SEMA5B: variants seen among roughly 807,000 people sequenced by gnomAD.
The protein encoded by SEMA5B is semaphorin 5B, also known as semaphorin-5B.
In SEMA5B, 66 loss-of-function variants were observed where a neutral mutation model predicts 135.0. That is an observed-to-expected ratio of 0.49 (90% confidence interval 0.40 to 0.60). SEMA5B has a LOEUF of 0.60. Among genes scored for constraint, SEMA5B ranks in the 20% least tolerant of loss-of-function variants. The pLI is 0.00. For synonymous variants in SEMA5B, 690 were observed against 639.5 expected (o/e 1.08, Z -1.19); for missense variants, 1,501 against 1,566.3 (o/e 0.96, Z 0.70).
At position 122,928,101 on chromosome 3, in the gene SEMA5B, C is replaced by G. The variant is rs924364659; in HGVS notation, c.637-98G>C. The G allele has an allele frequency of 2.0e-5, 16 of 812,142 alleles. No homozygotes were observed. In the African/African-American group the frequency reaches 2.6e-4, roughly 13 times the overall value. 50.3% of individuals were successfully genotyped at this position (812,142 alleles called of 1,614,324 possible). On this transcript the variant is annotated intron_variant, in intron 7 of 22. Transcript: ENST00000357599. ...TGTTTCCTCCTGTGCCCCAGTCTCT[C>G]TGGGCCTCTCCCCTCCTCCAGCGTC...
intron 1 of SEMA5B, among the ~76,000 whole-genome samples, chr3:122,990,309 C>A (rs1941836857): frequency 6.6e-6 from 1 of 152,130 alleles, no homozygotes; most frequent in Non-Finnish European, 1.5e-5. Flanking sequence ...AAGGGCGATA[C>A]CTTTTTTCCT....
chr3:122,992,156 G>A (rs1012068840), intron 1 of SEMA5B, among the ~76,000 whole-genome samples: 16 of 152,308 alleles, frequency 1.1e-4, no homozygotes, highest in Non-Finnish European at 1.6e-4. Flanking sequence ...TTTTGTGCAC[G>A]TTCTAAGTGG....
intron 2 of SEMA5B, 86 bp downstream of exon 2, chr3:122,961,054 A>T: frequency 7.2e-7 from 1 of 1,393,890 alleles, no homozygotes; most frequent in Non-Finnish European, 9.8e-7. Context: ...TATGCTGATG[A>T]TGCCCCAGAT....
rs776330222 is a variant in SEMA5B at position 122,911,432 on chromosome 3, G to C, written c.3091+59C>G. On this transcript the variant is annotated intron_variant, in intron 21 of 22. Transcript: ENST00000357599. ...GGATGTGGAAAGAGTCCAGACTTTG[G>C]AGTGGGGTGCCGGAGGGCTGGGAGG... 6 of 1,579,808 alleles carry C rather than the reference G, an allele frequency of 3.8e-6. No homozygotes were observed. The South Asian group carries it at 5.8e-5, about 15-fold the overall frequency.
intron 2 of SEMA5B, among the ~76,000 whole-genome samples, chr3:122,951,504 A>G (rs1576360601): frequency 6.6e-6 from 1 of 152,196 alleles, no homozygotes; most frequent in East Asian, 1.9e-4. Context: ...AAAAGCCCTA[A>G]CATTTGTCTA....
chr3:123,018,875 T>C (rs1942617443), intron 1 of SEMA5B, among the ~76,000 whole-genome samples: 2 of 152,134 alleles, frequency 1.3e-5, no homozygotes, highest in South Asian at 4.1e-4. Context: ...GAATACGTCA[T>C]AACTTGGACC....
chr3:122,935,682 C>CTTTCTTTTTTTT (rs1939232717), intron 5 of SEMA5B, among the ~76,000 whole-genome samples: 2 of 70,740 alleles, frequency 2.8e-5, no homozygotes, highest in African/African-American at 1.1e-4. Context: ...CTTTTTCTTT[C>CTTTCTTTTTTTT]TTTCTTTTTT....
At chr3:122,960,743 T>G (rs565090118) in intron 2 of SEMA5B, among the ~76,000 whole-genome samples, 15 of 152,342 alleles carry the variant, frequency 9.8e-5, no homozygotes, top group African/African-American at 3.4e-4. Flanking sequence ...CACTGCATGA[T>G]TCCATTTATA....
rs538884150 is a variant in SEMA5B at position 122,976,895 on chromosome 3, C to T, written c.-38-15594G>A. Among the ~76,000 whole-genome samples, 5 of 152,198 alleles carry T rather than the reference C, an allele frequency of 3.3e-5. No homozygotes were observed. In the Middle Eastern group the frequency reaches 0.014, roughly 414 times the overall value. ...TGAAACCCGGTCTCTCCTAAAAATA[C>T]AAAAATTAGCCAGGCATGGTGGCAC... On this transcript the variant is annotated intron_variant, in intron 1 of 22. Transcript: ENST00000357599.
intron 1 of SEMA5B, among the ~76,000 whole-genome samples, chr3:122,981,538 T>C (rs1430179855): frequency 2.0e-5 from 3 of 152,206 alleles, no homozygotes; most frequent in African/African-American, 7.2e-5. Context: ...CTACACTCAC[T>C]TCCTACTCTC....
At chr3:122,993,496 G>A (rs1276837214) in intron 1 of SEMA5B, among the ~76,000 whole-genome samples, 2 of 152,206 alleles carry the variant, frequency 1.3e-5, no homozygotes, top group Non-Finnish European at 2.9e-5. Context: ...TAATGCCCTG[G>A]CTTAGAGAGT....
intron 1 of SEMA5B, among the ~76,000 whole-genome samples, chr3:123,005,375 A>G (rs1576404584): frequency 6.6e-6 from 1 of 152,124 alleles, no homozygotes; most frequent in East Asian, 1.9e-4. Flanking sequence ...TATTATTATT[A>G]TTTAGAGAAA....
chr3:123,015,952 G>A (rs759147757), intron 1 of SEMA5B, among the ~76,000 whole-genome samples: 2 of 152,156 alleles, frequency 1.3e-5, no homozygotes, highest in Non-Finnish European at 1.5e-5. Flanking sequence ...CTATGGCTTC[G>A]GCAGATTAAA....
At chr3:122,915,351 T>A in intron 14 of SEMA5B, 89 bp downstream of exon 14, 2 of 1,333,462 alleles carry the variant, frequency 1.5e-6, no homozygotes, top group Non-Finnish European at 2.1e-6. Context: ...TGTCCCTTAG[T>A]GCAAACACCC....
At chr3:123,011,785 C>T (rs1942443270) in intron 1 of SEMA5B, among the ~76,000 whole-genome samples, 2 of 152,178 alleles carry the variant, frequency 1.3e-5, no homozygotes, top group African/African-American at 2.4e-5. Context: ...CATGGCAATG[C>T]TGGTTGAGAA....
Position 122,917,655 on chromosome 3 carries a change from G to C in SEMA5B, c.1689-1765C>G, listed in dbSNP as rs538824010. ...AAGACAGTACTATCTGCTGCTCTTG[G>C]CCAACCCGCAGCCTCATATAAGCGA... On this transcript the variant is annotated intron_variant, in intron 12 of 22. Coordinates refer to ENST00000357599, the MANE Select transcript of SEMA5B (RefSeq NM_001031702.4). 7.9e-5 allele frequency among the ~76,000 whole-genome samples: 12 copies of C among 152,262 alleles called. No individual in the cohort carries two copies. In the South Asian group the frequency reaches 2.3e-3, roughly 29 times the overall value.
At chr3:122,954,684 C>T (rs1273018781) in intron 2 of SEMA5B, among the ~76,000 whole-genome samples, 1 of 152,144 alleles carries the variant, frequency 6.6e-6, no homozygotes, top group Admixed American at 6.5e-5. Flanking sequence ...TAGCCATCTG[C>T]AGCTGGTAAG....
At chr3:122,926,096 A>C (rs902766749) in intron 9 of SEMA5B, among the ~76,000 whole-genome samples, 6 of 152,212 alleles carry the variant, frequency 3.9e-5, no homozygotes, top group Admixed American at 2.0e-4. Context: ...CCCCTCCCCT[A>C]CATGGCTATA....
chr3:122,963,528 G>T (rs1371973492), intron 1 of SEMA5B, among the ~76,000 whole-genome samples: 2 of 151,226 alleles, frequency 1.3e-5, no homozygotes, highest in Non-Finnish European at 2.9e-5. Context: ...AAAAAGAAAA[G>T]AAAAAGCTGT....
Sources: gnomAD v4.1 joint callset for allele counts (sites outside exome capture counted in the v4.1 genomes callset) on GRCh38, gnomAD v4.1.1 for gene constraint, MANE v1.5 for transcripts, NCBI Gene and HGNC (gene_info 2026-07-23, HGNC 2026-07-21) for gene names.